FCHO2: variants seen among roughly 807,000 people sequenced by gnomAD.
The protein encoded by FCHO2 is FCH and mu domain containing endocytic adaptor 2, also known as F-BAR domain only protein 2.
A neutral mutation model predicts 114.1 loss-of-function variants in FCHO2; 43 were observed. That is an observed-to-expected ratio of 0.38 (90% confidence interval 0.30 to 0.49). The LOEUF is 0.49. Among genes scored for constraint, FCHO2 ranks in the 20% least tolerant of loss-of-function variants. FCHO2 has a pLI of 0.97. For synonymous variants in FCHO2, 293 were observed against 315.2 expected, an observed-to-expected ratio of 0.93 and a Z score of 0.75; for missense variants, 807 against 950.4, an observed-to-expected ratio of 0.85 and a Z score of 1.98.
rs1742980308 is a variant in FCHO2, at chr5:73,078,209, A to G, written c.1877A>G (p.Lys626Arg). ...SDPSQCDSNT[K>R]DFWMNMQAVT... is the part of the protein sequence containing the mutation. ...CCATCACAATGTGATTCCAACACAA[A>G]AGATTTTTGGATGAACATGCAAGCT... Residue 626 changes from lysine to arginine, a missense_variant, in exon 22 of 26, where the codon AAA (lysine) becomes AGA (arginine). Physicochemically the swap from Lys to Arg is conservative, Grantham distance 26. Transcript: ENST00000430046. 6.4e-7 allele frequency: 1 copy of G among 1,574,208 alleles called. No individual in the cohort carries two copies.
chr5:73,088,152 C>G lies in FCHO2; in HGVS notation c.*62C>G. On this transcript the variant is annotated 3_prime_UTR_variant, in exon 26 of 26. Coordinates refer to ENST00000430046, the MANE Select transcript of FCHO2 (RefSeq NM_138782.3). ...AACCTGCCATTCTGCATTATCTGTTCTTTCCAAACACTATTTTAACTTGTA... is the reference window on the plus strand; with the variant it reads ...AACCTGCCATTCTGCATTATCTGTTGTTTCCAAACACTATTTTAACTTGTA... 6.3e-7 allele frequency: 1 copy of G among 1,594,446 alleles called. No homozygotes were observed. The highest frequency in any genetic ancestry group is 1.1e-5 in the South Asian group (1 of 88,654).
At chr5:73,041,833 C>T (rs933507770) in intron 11 of FCHO2, among the ~76,000 whole-genome samples, 17 of 152,162 alleles carry the variant, frequency 1.1e-4, no homozygotes, top group African/African-American at 4.1e-4. Context: ...TTAAAGAAGA[C>T]ATCAAATGGA....
chr5:73,054,220 T>A, intron 14 of FCHO2, 49 bp downstream of exon 14: 1 of 1,428,890 alleles, frequency 7.0e-7, no homozygotes, highest in African/African-American at 1.4e-5. Flanking sequence ...AAAATCATTG[T>A]AATTTTGGAA....
At chr5:73,035,194 G>C (rs1756436737) in intron 9 of FCHO2, among the ~76,000 whole-genome samples, 1 of 152,074 alleles carries the variant, frequency 6.6e-6, no homozygotes, top group Non-Finnish European at 1.5e-5. Context: ...GAGGCAGGAG[G>C]ATTACTTGAG....
rs1312018789 is a variant in FCHO2, at chr5:73,090,455, A to AT, written c.*2372dup. 1 of 152,528 alleles carries AT rather than the reference A, an allele frequency of 6.6e-6. No homozygotes were observed. The highest frequency in any genetic ancestry group is 2.4e-5 in the African/African-American group (1 of 41,436). 9.4% of individuals were successfully genotyped at this position (152,528 alleles called of 1,614,324 possible). Reference sequence around the variant, plus strand: ...TTCCAAGATTTTGTAAATATTTTTGATTTTTTTCATTAAATGTAAATTTTA... The same window carrying AT: ...TTCCAAGATTTTGTAAATATTTTTGATTTTTTTTCATTAAATGTAAATTTTA... On this transcript the variant is annotated 3_prime_UTR_variant, in exon 26 of 26. Coordinates refer to ENST00000430046, the MANE Select transcript of FCHO2 (RefSeq NM_138782.3).
intron 13 of FCHO2, among the ~76,000 whole-genome samples, chr5:73,053,239 G>T (rs1438544522): frequency 6.6e-6 from 1 of 152,122 alleles, no homozygotes; most frequent in East Asian, 1.9e-4. Flanking sequence ...GTAGTTACAT[G>T]TATTTGTTTG....
intron 3 of FCHO2, among the ~76,000 whole-genome samples, 157 bp from the exon 4 acceptor site, chr5:72,990,321 G>T (rs376056480): frequency 6.6e-6 from 1 of 151,998 alleles, no homozygotes. Flanking sequence ...AAAATTCAAG[G>T]TCAGTCTGTC....
intron 11 of FCHO2, among the ~76,000 whole-genome samples, chr5:73,041,794 C>G (rs1756817745): frequency 6.6e-6 from 1 of 152,024 alleles, no homozygotes; most frequent in Admixed American, 6.6e-5. Flanking sequence ...GCTTATATTT[C>G]TTGATTAAAT....
chr5:73,071,368 T>C (rs1561493192), intron 19 of FCHO2, among the ~76,000 whole-genome samples: 1 of 151,998 alleles, frequency 6.6e-6, no homozygotes, highest in East Asian at 1.9e-4. Context: ...GGCTGTCATA[T>C]ACGAAAACCA....
intron 5 of FCHO2, chr5:72,996,904 T>C: frequency 6.4e-7 from 1 of 1,561,632 alleles, no homozygotes; most frequent in Admixed American, 1.8e-5. Flanking sequence ...GAGCAGGCAG[T>C]GCCAGGGTCA....
intron 2 of FCHO2, among the ~76,000 whole-genome samples, chr5:72,975,842 G>T (rs1275378336): frequency 6.6e-6 from 1 of 152,050 alleles, no homozygotes; most frequent in Non-Finnish European, 1.5e-5. Flanking sequence ...ATATTTTGTT[G>T]TCTGGATGTA....
chr5:73,042,782 A>G (rs1756867208), intron 11 of FCHO2, among the ~76,000 whole-genome samples: 1 of 152,220 alleles, frequency 6.6e-6, no homozygotes. Flanking sequence ...AAAAGGGCAT[A>G]GGATAAAAAT....
At chr5:73,082,677 A>G in intron 23 of FCHO2, 84 bp from the exon 24 acceptor site, 1 of 1,076,218 alleles carries the variant, frequency 9.3e-7, no homozygotes. Context: ...AAAATATTTA[A>G]AATACACTTA....
At chr5:72,966,405 C>A (rs1752203637) in intron 1 of FCHO2, among the ~76,000 whole-genome samples, 1 of 152,104 alleles carries the variant, frequency 6.6e-6, no homozygotes, top group Non-Finnish European at 1.5e-5. Context: ...CTTGCTCAGC[C>A]TCTGGAGTAG....
intron 19 of FCHO2, among the ~76,000 whole-genome samples, chr5:73,071,826 C>G (rs1742670759): frequency 6.6e-6 from 1 of 152,012 alleles, no homozygotes; most frequent in Non-Finnish European, 1.5e-5. Context: ...ATACTTTTCT[C>G]TGCTTGCCAA....
chr5:72,976,062 A>G (rs1752850230), intron 2 of FCHO2, among the ~76,000 whole-genome samples: 1 of 152,226 alleles, frequency 6.6e-6, no homozygotes, highest in South Asian at 2.1e-4. Context: ...CATCTTCCAA[A>G]GTGACAATAC....
chr5:73,042,699 A>G (rs964873026), intron 11 of FCHO2, among the ~76,000 whole-genome samples: 4 of 152,182 alleles, frequency 2.6e-5, no homozygotes, highest in Non-Finnish European at 4.4e-5. Context: ...GCAAGACGTG[A>G]CAGGGGTTAA....
intron 17 of FCHO2, among the ~76,000 whole-genome samples, chr5:73,063,448 G>A (rs1421564714): frequency 6.6e-6 from 1 of 151,942 alleles, no homozygotes; most frequent in Admixed American, 6.6e-5. Flanking sequence ...TATTATTCTG[G>A]AGGTACAGCT....
chr5:72,973,538 C>T (rs1378199948), intron 2 of FCHO2, among the ~76,000 whole-genome samples: 49 of 151,880 alleles, frequency 3.2e-4, no homozygotes, highest in African/African-American at 9.4e-4. Flanking sequence ...TCTGTGGGAT[C>T]GGTGGTGATA....
Sources: gnomAD v4.1 joint callset for allele counts (sites outside exome capture counted in the v4.1 genomes callset) on GRCh38, gnomAD v4.1.1 for gene constraint, MANE v1.5 for transcripts, NCBI Gene and HGNC (gene_info 2026-07-23, HGNC 2026-07-21) for gene names.